XKR4: variants seen among roughly 807,000 people sequenced by gnomAD.
XKR4 encodes XK related 4.
Under a neutral mutation model 53.9 loss-of-function variants are expected in XKR4, and 12 were observed. The observed-to-expected ratio is 0.22, with a 90% CI of 0.14 to 0.36. The LOEUF is 0.36. XKR4 is among the 10% of genes least tolerant of loss of function. The pLI, the probability that XKR4 is intolerant of heterozygous loss-of-function variation, is 1.00. For synonymous variants in XKR4, 354 were observed against 362.4 expected (o/e 0.98, Z 0.26); for missense variants, 799 against 859.5 (o/e 0.93, Z 0.88).
At chr8:55,482,141 C>A (rs1424179542) in intron 2 of XKR4, among the ~76,000 whole-genome samples, 3 of 152,088 alleles carry the variant, frequency 2.0e-5, no homozygotes, top group Non-Finnish European at 4.4e-5. Context: ...GACTTGGAAC[C>A]AACCCAAATG....
intron 1 of XKR4, among the ~76,000 whole-genome samples, chr8:55,139,544 C>T (rs901367845): frequency 1.4e-5 from 2 of 145,200 alleles, no homozygotes; most frequent in Non-Finnish European, 3.0e-5. Context: ...TGGCTTAGCA[C>T]CTTTGGCCCT....
intron 2 of XKR4, among the ~76,000 whole-genome samples, chr8:55,472,980 G>C (rs1805913220): frequency 6.6e-6 from 1 of 152,060 alleles, no homozygotes; most frequent in Non-Finnish European, 1.5e-5. Context: ...AAAGGGGCTA[G>C]CATACTATGA....
At chr8:55,115,381 TACAC>T (rs34839811) in intron 1 of XKR4, among the ~76,000 whole-genome samples, 47 of 149,712 alleles carry the variant, frequency 3.1e-4, no homozygotes, top group Non-Finnish European at 5.6e-4. Flanking sequence ...GATAGGTGCA[TACAC>T]ACACACACAC....
chr8:55,236,802 G>A (rs141401051), intron 1 of XKR4, among the ~76,000 whole-genome samples: 573 of 152,202 alleles, frequency 3.8e-3, no homozygotes, highest in African/African-American at 0.013. Context: ...GCCAGGCCAC[G>A]TTTTCATGCC....
chr8:55,479,260 C>A (rs1427309721), intron 2 of XKR4, among the ~76,000 whole-genome samples: 3 of 152,016 alleles, frequency 2.0e-5, no homozygotes, highest in African/African-American at 7.3e-5. Flanking sequence ...CAAAACTGCT[C>A]AACTACATGG....
intron 2 of XKR4, among the ~76,000 whole-genome samples, chr8:55,373,754 A>G (rs778808560): frequency 6.6e-6 from 1 of 152,228 alleles, no homozygotes; most frequent in African/African-American, 2.4e-5. Context: ...ACTTTGTCAC[A>G]TCTTTTTAAA....
At chr8:55,112,884 A>G (rs923785007) in intron 1 of XKR4, among the ~76,000 whole-genome samples, 4 of 152,106 alleles carry the variant, frequency 2.6e-5, no homozygotes, top group African/African-American at 9.7e-5. Context: ...AGTTTATAAT[A>G]CCTGAATTTG....
At chr8:55,479,904 A>G (rs1349104922) in intron 2 of XKR4, among the ~76,000 whole-genome samples, 2 of 152,204 alleles carry the variant, frequency 1.3e-5, no homozygotes, top group African/African-American at 4.8e-5. Flanking sequence ...TGTGGCAATA[A>G]TCAATAGCTT....
intron 1 of XKR4, among the ~76,000 whole-genome samples, chr8:55,246,321 C>T (rs1313201479): frequency 6.6e-6 from 1 of 152,126 alleles, no homozygotes; most frequent in Non-Finnish European, 1.5e-5. Context: ...AGGGCAGCCA[C>T]TAGGGAAGCA....
intron 1 of XKR4, among the ~76,000 whole-genome samples, chr8:55,104,719 A>G (rs1162913338): frequency 2.2e-5 from 3 of 137,602 alleles, no homozygotes; most frequent in Admixed American, 7.6e-5. Flanking sequence ...GTGATATTTG[A>G]TATGTAGTCA....
At chr8:55,384,005 G>A (rs1042954054) in intron 2 of XKR4, among the ~76,000 whole-genome samples, 2 of 152,212 alleles carry the variant, frequency 1.3e-5, no homozygotes, top group African/African-American at 4.8e-5. Context: ...GAATTTGGAA[G>A]CTTAATCTGC....
intron 2 of XKR4, among the ~76,000 whole-genome samples, chr8:55,487,992 T>A (rs779764355): frequency 6.6e-6 from 1 of 152,206 alleles, no homozygotes; most frequent in Non-Finnish European, 1.5e-5. Context: ...ACTCTGGAAT[T>A]TTAATCATTC....
At chr8:55,513,658 A>G (rs1806664671) in intron 2 of XKR4, among the ~76,000 whole-genome samples, 1 of 152,112 alleles carries the variant, frequency 6.6e-6, no homozygotes, top group Non-Finnish European at 1.5e-5. Flanking sequence ...TGTGTATAGG[A>G]GGTACTGACA....
intron 1 of XKR4, among the ~76,000 whole-genome samples, chr8:55,176,446 T>A (rs1320475024): frequency 6.6e-6 from 1 of 152,058 alleles, no homozygotes; most frequent in Non-Finnish European, 1.5e-5. Flanking sequence ...GGCACTGGGG[T>A]GTGAGTGTGT....
At chr8:55,475,754 C>A (rs1805974083) in intron 2 of XKR4, among the ~76,000 whole-genome samples, 1 of 151,870 alleles carries the variant, frequency 6.6e-6, no homozygotes, top group Admixed American at 6.6e-5. Flanking sequence ...AGGCGCACAC[C>A]ACCACGCCCA....
intron 1 of XKR4, among the ~76,000 whole-genome samples, chr8:55,296,658 A>G (rs1819105512): frequency 6.6e-6 from 1 of 152,166 alleles, no homozygotes; most frequent in Non-Finnish European, 1.5e-5. Context: ...TAAAAAGGTC[A>G]TAGTTGAGCT....
At chr8:55,205,602 G>C (rs1385627869) in intron 1 of XKR4, among the ~76,000 whole-genome samples, 2 of 152,124 alleles carry the variant, frequency 1.3e-5, no homozygotes, top group Non-Finnish European at 2.9e-5. Flanking sequence ...ATGTGACCTA[G>C]AAAAATCAAC....
In XKR4 at chr8:55,226,264, C is replaced by T. The variant is rs144293902; in HGVS notation, c.806+122970C>T. On this transcript the variant is annotated intron_variant, in intron 1 of 2. Coordinates refer to ENST00000327381, the MANE Select transcript of XKR4 (RefSeq NM_052898.2). The stretch of plus-strand genomic sequence containing the variant: ...GGTTTAATGAACTTCAAAATAAAAG[C>T]AAGAGTATAAATCTTTTCTCAGGTC... 5.2e-3 allele frequency among the ~76,000 whole-genome samples: 789 copies of T among 152,184 alleles called. 4 individuals are homozygous for T. The highest frequency in any genetic ancestry group is 7.9e-3 in the Non-Finnish European group (537 of 68,004).
intron 2 of XKR4, among the ~76,000 whole-genome samples, chr8:55,428,372 G>A (rs751000739): frequency 3.9e-5 from 6 of 152,180 alleles, no homozygotes; most frequent in Middle Eastern, 3.4e-3. Context: ...AAAAGCCTGC[G>A]CTCTCTAGCC....
Sources: gnomAD v4.1 joint callset for allele counts (sites outside exome capture counted in the v4.1 genomes callset) on GRCh38, gnomAD v4.1.1 for gene constraint, MANE v1.5 for transcripts, NCBI Gene and HGNC (gene_info 2026-07-23, HGNC 2026-07-21) for gene names.